The following ADAMTS14 variants were observed in gnomAD, a reference collection of about 807,000 sequenced individuals.
ADAMTS14 encodes the protein ADAM metallopeptidase with thrombospondin type 1 motif 14, also known as A disintegrin and metalloproteinase with thrombospondin motifs 14.
ADAMTS14 carries 100 observed loss-of-function variants against 128.6 expected under a neutral mutation model. The ratio of observed to expected loss-of-function variants is 0.78; its 90% CI spans 0.66 to 0.92. The LOEUF (loss-of-function observed/expected upper bound fraction) is 0.92, where lower values mean the gene tolerates loss of function less well. Ranked by LOEUF, ADAMTS14 falls within the 40% of genes least tolerant of loss-of-function variation. ADAMTS14 has a pLI of 0.00. For missense variants in ADAMTS14, 1,562 were observed against 1,658.6 expected, an observed-to-expected ratio of 0.94 and a Z score of 1.01; for synonymous variants, 665 against 653.8, an observed-to-expected ratio of 1.02 and a Z score of -0.26.
intron 18 of ADAMTS14, among the ~76,000 whole-genome samples, chr10:70,753,575 C>A (rs1842404935): frequency 6.6e-6 from 1 of 152,206 alleles, no homozygotes; most frequent in Non-Finnish European, 1.5e-5. Flanking sequence ...AAATACACAT[C>A]ATGCCTGTTT....
intron 6 of ADAMTS14, among the ~76,000 whole-genome samples, chr10:70,730,521 C>G (rs1003816137): frequency 1.3e-5 from 2 of 152,208 alleles, no homozygotes; most frequent in Non-Finnish European, 2.9e-5. Context: ...GTCCCAGAGC[C>G]TGGCTGCTGG....
At chr10:70,714,769 G>A (rs1251991666) in intron 4 of ADAMTS14, among the ~76,000 whole-genome samples, 5 of 151,864 alleles carry the variant, frequency 3.3e-5, no homozygotes, top group African/African-American at 9.7e-5. Flanking sequence ...CCAATATGGC[G>A]AAACCCCGTC....
At chr10:70,726,033 C>T (rs542830531) in intron 4 of ADAMTS14, among the ~76,000 whole-genome samples, 23 of 152,324 alleles carry the variant, frequency 1.5e-4, no homozygotes, top group Admixed American at 1.3e-4. Flanking sequence ...CCCTTGGTCT[C>T]GGGTTGCTTC....
At chr10:70,691,679 G>A (rs1305774928) in intron 2 of ADAMTS14, among the ~76,000 whole-genome samples, 1 of 151,938 alleles carries the variant, frequency 6.6e-6, no homozygotes, top group Non-Finnish European at 1.5e-5. Flanking sequence ...GGCTGTGAGG[G>A]CATTGACTGG....
At chr10:70,736,839 G>A (rs1355389985) in intron 10 of ADAMTS14, 46 bp downstream of exon 10, 2 of 1,556,646 alleles carry the variant, frequency 1.3e-6, no homozygotes, top group Non-Finnish European at 1.8e-6. Flanking sequence ...GGGGTGCAGG[G>A]CATCCATCAC....
chr10:70,734,426 C>T (rs893185770), intron 8 of ADAMTS14, among the ~76,000 whole-genome samples: 4 of 152,148 alleles, frequency 2.6e-5, no homozygotes, highest in African/African-American at 9.7e-5. Context: ...CCTAACGACC[C>T]CTTTGAGCCC....
chr10:70,750,866 C>T (rs934016785), intron 16 of ADAMTS14, among the ~76,000 whole-genome samples: 1 of 152,104 alleles, frequency 6.6e-6, no homozygotes, highest in Non-Finnish European at 1.5e-5. Flanking sequence ...GATCAAAGAC[C>T]TAGATATAAG....
At chr10:70,740,875 C>A in intron 11 of ADAMTS14, 112 bp from the exon 12 acceptor site, 1 of 1,146,290 alleles carries the variant, frequency 8.7e-7, no homozygotes, top group Non-Finnish European at 1.3e-6. Flanking sequence ...AGTGGAGGCC[C>A]TTGTCATGCT....
chr10:70,680,165 G>A (rs1270984634), intron 2 of ADAMTS14, among the ~76,000 whole-genome samples: 1 of 152,220 alleles, frequency 6.6e-6, no homozygotes, highest in Non-Finnish European at 1.5e-5. Context: ...ACTTTGGGAG[G>A]CTGAGGCAGG....
rs947789766 is a variant in ADAMTS14, at chr10:70,708,763, C to A, written c.855C>A (p.Leu285=). The part of the protein sequence containing the change: ...HGKEHVQNYV[L]TLMNIVDEIY... The stretch of plus-strand genomic sequence containing the variant: ...AGGAGCATGTGCAGAACTATGTCCT[C>A]ACCCTCATGAATATCGTGAGTGTCC... The change falls in exon 4 of 22, where the codon CTC becomes CTA. Residue 285 remains leucine (L), a synonymous_variant. Coordinates refer to ENST00000373207, the MANE Select transcript of ADAMTS14 (RefSeq NM_080722.4). The A allele has an allele frequency of 6.2e-7, 1 of 1,605,462 alleles. No homozygotes were observed. The highest frequency in any genetic ancestry group is 1.1e-5 in the South Asian group (1 of 90,690).
In ADAMTS14 at chr10:70,749,885, G is replaced by A. The variant is rs754096189; in HGVS notation, c.2327G>A (p.Arg776Gln). 37 of 1,613,992 alleles carry A rather than the reference G, an allele frequency of 2.3e-5. No individual in the cohort carries two copies. Among genetic ancestry groups the A allele is most frequent in the Admixed American group, 8.3e-5 (5 of 60,006 alleles). Residue 776 changes from arginine (R) to glutamine (Q), a missense_variant, in exon 16 of 22, where the codon CGG becomes CAG. Arg to Gln is a conservative substitution (Grantham distance 43, BLOSUM62 1). Transcript: ENST00000373207. The stretch of plus-strand genomic sequence containing the variant: ...CCCAAGGGCAAGGAAGCCACAAGCC[G>A]GACCTTCACCGCCATGGGCCTGGAG... Reference protein sequence around the residue: ...LNPKGKEATSRTFTAMGLEWE... With the variant: ...LNPKGKEATSQTFTAMGLEWE...
chr10:70,760,021 C>G (rs372202880), intron 21 of ADAMTS14, among the ~76,000 whole-genome samples: 1 of 152,214 alleles, frequency 6.6e-6, no homozygotes, highest in Non-Finnish European at 1.5e-5. Flanking sequence ...GAAAGCACAG[C>G]GCTGAGCCCC....
intron 2 of ADAMTS14, among the ~76,000 whole-genome samples, chr10:70,683,314 G>A (rs72814525): frequency 0.27 from 41,023 of 152,222 alleles, 5,782 homozygotes; most frequent in Middle Eastern, 0.36. Context: ...TAGATAACCC[G>A]GTTTCCTGGG....
chr10:70,674,772 G>A lies in ADAMTS14; in HGVS notation c.299G>A (p.Arg100Lys), dbSNP rs1839591829. ...CCAGGAGGGACCCTGTGGCCTGGCA[G>A]GGTGGGGCGCCACTCCCTCTACTTC... ...LHPGGTLWPG[R>K]VGRHSLYFNV... The change falls in exon 2 of 22, where the codon AGG (arginine) becomes AAG (lysine). Residue 100 changes from arginine to lysine, a missense_variant. Physicochemically the swap from Arg to Lys is conservative, Grantham distance 26. Transcript: ENST00000373207. 12 of 1,613,418 alleles carry A rather than the reference G, an allele frequency of 7.4e-6. No homozygotes were observed. Among genetic ancestry groups the A allele is most frequent in the Non-Finnish European group, 1.0e-5 (12 of 1,179,984 alleles).
rs770574060 is a variant in ADAMTS14, at chr10:70,708,687, G to A, written c.779G>A (p.Ser260Asn). 1.9e-6 allele frequency: 3 copies of A among 1,613,886 alleles called. No homozygotes were observed. The highest frequency in any genetic ancestry group is 4.5e-5 in the East Asian group (2 of 44,852). Residue 260 changes from serine to asparagine, a missense_variant, in exon 4 of 22, where the codon AGC becomes AAC. By Grantham distance (46) the Ser-to-Asn change is conservative. Transcript: ENST00000373207. ...KRRHAKPGSY[S>N]IEVLLVVDDS... Reference sequence around the variant, plus strand: ...CGGCATGCCAAGCCAGGCAGCTACAGCATCGAGGTGCTGCTGGTGGTGGAC... The same window carrying A: ...CGGCATGCCAAGCCAGGCAGCTACAACATCGAGGTGCTGCTGGTGGTGGAC...
intron 2 of ADAMTS14, 63 bp from the exon 3 acceptor site, chr10:70,702,249 G>T (rs1462903792): frequency 2.3e-5 from 37 of 1,608,680 alleles, no homozygotes; most frequent in Non-Finnish European, 3.1e-5. Flanking sequence ...TCGCCTGTCG[G>T]CTGTACTGTG....
chr10:70,690,320 C>T (rs546174163), intron 2 of ADAMTS14, among the ~76,000 whole-genome samples: 11 of 144,464 alleles, frequency 7.6e-5, no homozygotes, highest in African/African-American at 2.4e-4. Context: ...GGGTTAAGGA[C>T]AGGACCATGC....
At chr10:70,683,689 G>A (rs1202586713) in intron 2 of ADAMTS14, among the ~76,000 whole-genome samples, 2 of 152,234 alleles carry the variant, frequency 1.3e-5, no homozygotes, top group African/African-American at 4.8e-5. Context: ...AACTCTGTGG[G>A]TGGGCTGGCT....
chr10:70,687,132 G>T (rs1839991879), intron 2 of ADAMTS14, among the ~76,000 whole-genome samples: 2 of 115,010 alleles, frequency 1.7e-5, no homozygotes, highest in Non-Finnish European at 3.9e-5. Context: ...AGTAGGGGCG[G>T]CCGGGCAGAG....
Sources: allele counts gnomAD v4.1 joint callset (sites outside exome capture counted in the v4.1 genomes callset), GRCh38; gene constraint gnomAD v4.1.1; transcripts MANE v1.5; gene names NCBI Gene and HGNC (gene_info 2026-07-23, HGNC 2026-07-21).